Variants in OVCH1 observed in about 807,000 individuals in gnomAD.
OVCH1 encodes ovochymase 1, also known as ovochymase-1.
In OVCH1, 139 loss-of-function variants were observed where a neutral mutation model predicts 138.4. The observed-to-expected ratio is 1.00, with a 90% CI of 0.87 to 1.16. The LOEUF is 1.16. Among genes scored for constraint, OVCH1 ranks in the 50% most tolerant of loss-of-function variants. The pLI is 0.00. For missense variants in OVCH1, 1,367 were observed against 1,357.9 expected (o/e 1.01, Z -0.11); for synonymous variants, 453 against 467.8 (o/e 0.97, Z 0.41).
At chr12:29,417,904 A>C (rs1216684914) in intron 3 of OVCH1, among the ~76,000 whole-genome samples, 1 of 152,176 alleles carries the variant, frequency 6.6e-6, no homozygotes, top group East Asian at 1.9e-4. Flanking sequence ...ACAGAAAGCA[A>C]ATGATGGGCT....
Position 29,445,273 on chromosome 12 carries a change from C to T in OVCH1, c.2881+5G>A. On this transcript the variant is annotated splice_donor_5th_base_variant and intron_variant, in intron 23 of 27. Transcript: ENST00000318184. The stretch of plus-strand genomic sequence containing the variant: ...TTTACAAGTTTATAAAATAACCAAA[C>T]ATACCTAGGACTTTCAAGACAATAT... The T allele has an allele frequency of 6.2e-7, 1 of 1,603,552 alleles. No homozygotes were observed. The highest frequency in any genetic ancestry group is 8.5e-7 in the Non-Finnish European group (1 of 1,174,710).
At chr12:29,429,086 C>G (rs1241503236) in intron 27 of OVCH1, among the ~76,000 whole-genome samples, 1 of 152,206 alleles carries the variant, frequency 6.6e-6, no homozygotes, top group African/African-American at 2.4e-5. Flanking sequence ...AAAGATTATT[C>G]TGGCTAATGG....
At chr12:29,435,503 A>G (rs2135907767) in intron 26 of OVCH1, among the ~76,000 whole-genome samples, 1 of 152,098 alleles carries the variant, frequency 6.6e-6, no homozygotes, top group African/African-American at 2.4e-5. Context: ...AGCAGCTGGG[A>G]CTACAGGCGC....
exon 16 of OVCH1, chr12:29,471,896 A>G: frequency 1.2e-6 from 2 of 1,613,488 alleles, no homozygotes; most frequent in Non-Finnish European, 8.5e-7. Context: ...CCCACCTGCC[A>G]TGGCCAACAG....
At chr12:29,495,287 A>T (rs1248022937) in exon 4 of OVCH1, 2 of 1,608,570 alleles carry the variant, frequency 1.2e-6, no homozygotes, top group Admixed American at 3.4e-5. Context: ...ATACTCACCA[A>T]ACTTGACTTT....
chr12:29,476,384 C>T, intron 12 of OVCH1, 85 bp from the exon 13 acceptor site: 1 of 1,085,022 alleles, frequency 9.2e-7, no homozygotes, highest in South Asian at 1.3e-5. Flanking sequence ...TATTTAAAGG[C>T]TCTTTGTCAC....
At chr12:29,478,805 G>C (rs367738590) in intron 9 of OVCH1, 30 bp downstream of exon 10, 142 of 1,471,912 alleles carry the variant, frequency 9.6e-5, no homozygotes, top group Non-Finnish European at 1.3e-4. Flanking sequence ...ACTCTAAAAT[G>C]ACAAATAAAA....
At chr12:29,439,507 T>C in intron 25 of OVCH1, 1 of 1,364,858 alleles carries the variant, frequency 7.3e-7, no homozygotes, top group South Asian at 1.9e-5. Flanking sequence ...AACAAACTTC[T>C]CTACACCAAC....
At chr12:29,454,655 T>A (rs1941894355) in intron 21 of OVCH1, among the ~76,000 whole-genome samples, 186 bp downstream of exon 21, 1 of 152,138 alleles carries the variant, frequency 6.6e-6, no homozygotes, top group Admixed American at 6.6e-5. Flanking sequence ...CAGGTCTAGC[T>A]TTGGGGTAGG....
rs1478661433 is a variant in OVCH1 at position 29,450,968 on chromosome 12, A to AGAACACAT, written c.2755+369_2755+376dup. 2.0e-5 allele frequency among the ~76,000 whole-genome samples: 3 copies of AGAACACAT among 147,568 alleles called. No individual in the cohort carries two copies. In the East Asian group the frequency reaches 6.2e-4, roughly 31 times the overall value. ...ACTCATAAGTGGGAGTTGAACAACG[A>AGAACACAT]GAACACATGGACACAGGGAGGGGAA... On this transcript the variant is annotated intron_variant, in intron 22 of 27. Coordinates refer to ENST00000318184, the Ensembl canonical transcript of OVCH1.
At chr12:29,410,539 T>TAA (rs1320815594), downstream of OVCH1, among the ~76,000 whole-genome samples, 2 of 119,444 alleles carry the variant, frequency 1.7e-5, no homozygotes, top group Non-Finnish European at 3.9e-5. Context: ...TGCTTGTCTG[T>TAA]AAAGTATTTT....
exon 23 of OVCH1, chr12:29,445,357 A>C: frequency 6.2e-7 from 1 of 1,611,292 alleles, no homozygotes; most frequent in Non-Finnish European, 8.5e-7. Context: ...CCAGCGGTCC[A>C]GGACTCATGA....
chr12:29,440,871 G>A (rs1941467652), intron 25 of OVCH1, 127 bp from the exon 26 acceptor site: 2 of 414,672 alleles, frequency 4.8e-6, no homozygotes, highest in Non-Finnish European at 9.6e-6. Flanking sequence ...CTACCTGCAT[G>A]GAGAGTGACA....
chr12:29,406,300 T>A, the OVCH1 span, among the ~76,000 whole-genome samples: 1 of 151,980 alleles, frequency 6.6e-6, no homozygotes, highest in Non-Finnish European at 1.5e-5. Flanking sequence ...CACCTTTATT[T>A]TATTTATTTA....
chr12:29,474,445 G>C (rs1158546155), intron 14 of OVCH1, among the ~76,000 whole-genome samples: 1 of 152,168 alleles, frequency 6.6e-6, no homozygotes, highest in Admixed American at 6.6e-5. Flanking sequence ...TAATGCATGT[G>C]AAATGCTTAG....
chr12:29,459,667 T>C (rs1006618199), intron 19 of OVCH1, among the ~76,000 whole-genome samples: 2 of 148,804 alleles, frequency 1.3e-5, no homozygotes, highest in African/African-American at 5.0e-5. Context: ...TATAAATGCT[T>C]GAAGTGATGT....
chr12:29,492,115 G>A (rs1172178091), intron 4 of OVCH1, among the ~76,000 whole-genome samples: 1 of 152,112 alleles, frequency 6.6e-6, no homozygotes, highest in East Asian at 1.9e-4. Flanking sequence ...TAGGGAGAAT[G>A]GCATGGAAGA....
intron 22 of OVCH1, among the ~76,000 whole-genome samples, chr12:29,449,280 C>CACAT (rs1244723763): frequency 2.3e-5 from 2 of 85,438 alleles, no homozygotes; most frequent in African/African-American, 5.8e-5. Flanking sequence ...CCTCCCTACA[C>CACAT]ACACACACAC....
intron 26 of OVCH1, chr12:29,439,271 C>A (rs2135914597): frequency 7.5e-7 from 1 of 1,338,662 alleles, no homozygotes; most frequent in Non-Finnish European, 9.7e-7. Context: ...ATTTATTGTT[C>A]TTTTTGTTAA....
Sources: allele counts gnomAD v4.1 joint callset (sites outside exome capture counted in the v4.1 genomes callset), GRCh38; gene constraint gnomAD v4.1.1; transcripts MANE v1.5; gene names NCBI Gene and HGNC (gene_info 2026-07-23, HGNC 2026-07-21).